Variants in SUMF1 observed in about 807,000 individuals in gnomAD.
SUMF1 encodes sulfatase modifying factor 1, also known as formylglycine-generating enzyme.
SUMF1 carries 48 observed loss-of-function variants against 47.6 expected under a neutral mutation model. The ratio of observed to expected loss-of-function variants is 1.01; its 90% confidence interval spans 0.80 to 1.28. SUMF1 has a LOEUF of 1.28. Ranked by LOEUF, SUMF1 falls within the 50% of genes most tolerant of loss-of-function variation. The probability of loss-of-function intolerance (pLI) is 0.00; values close to 1 mark genes in which losing one functional copy is unlikely to be tolerated. For missense variants in SUMF1, 571 were observed against 485.4 expected (o/e 1.18, Z -1.66); for synonymous variants, 230 against 192.1 (o/e 1.20, Z -1.63).
intron 8 of SUMF1, among the ~76,000 whole-genome samples, chr3:4,268,716 A>T (rs962403903): frequency 1.4e-4 from 21 of 152,154 alleles, no homozygotes; most frequent in African/African-American, 4.8e-4. Flanking sequence ...AGTAGCCAAT[A>T]AATGGCAAAG....
rs576707748 is a variant in SUMF1, at chr3:4,095,774, C to T, written c.1015-27029G>A. Among the ~76,000 whole-genome samples the T allele has an allele frequency of 5.3e-5, 8 of 152,218 alleles. No individual in the cohort carries two copies. The South Asian group carries it at 1.7e-3, about 32-fold the overall frequency. On this transcript the variant is annotated intron_variant and NMD_transcript_variant, in intron 8 of 12. Transcript: ENST00000448413. ...ATGAATATAAAGCTGGTCCCAGTGACCTCTAAGCCTGTAAAAATCAAACAC... is the reference window on the plus strand; with the variant it reads ...ATGAATATAAAGCTGGTCCCAGTGATCTCTAAGCCTGTAAAAATCAAACAC...
At chr3:4,342,960 G>T (rs546024728) in intron 8 of SUMF1, among the ~76,000 whole-genome samples, 1 of 152,170 alleles carries the variant, frequency 6.6e-6, no homozygotes, top group South Asian at 2.1e-4. Flanking sequence ...AAGCTCCCAA[G>T]GGATAAAAAA....
chr3:4,155,662 A>G (rs1694436346), intron 8 of SUMF1, among the ~76,000 whole-genome samples: 1 of 151,522 alleles, frequency 6.6e-6, no homozygotes, highest in Admixed American at 6.6e-5. Flanking sequence ...AGCCTTCACA[A>G]CAAATCTGTT....
At chr3:4,358,195 G>A (rs1020171453), downstream of SUMF1, among the ~76,000 whole-genome samples, 1 of 151,838 alleles carries the variant, frequency 6.6e-6, no homozygotes, top group Non-Finnish European at 1.5e-5. Flanking sequence ...TAAAAAAAAA[G>A]AGATACACCT....
At chr3:4,239,254 A>T (rs976817115) in intron 8 of SUMF1, among the ~76,000 whole-genome samples, 3 of 151,904 alleles carry the variant, frequency 2.0e-5, no homozygotes, top group Non-Finnish European at 4.4e-5. Flanking sequence ...TCTTGGCTAT[A>T]TGGGTTCTTT....
At position 4,261,822 on chromosome 3, in the gene SUMF1, G is replaced by A. The variant is rs149411987; in HGVS notation, c.1014+114508C>T. 9.2e-5 allele frequency among the ~76,000 whole-genome samples: 14 copies of A among 152,306 alleles called. No homozygotes were observed. The East Asian group carries it at 2.5e-3, about 27-fold the overall frequency. On this transcript the variant is annotated intron_variant and NMD_transcript_variant, in intron 8 of 12. Coordinates refer to the SUMF1 transcript ENST00000448413. ...CAAAGGCCCCACAACTAGTGCCTGC[G>A]CTGCTGGCACCTGAGTACTGATGTA...
Position 4,089,684 on chromosome 3 carries a change from C to A in SUMF1, c.1015-20939G>T, listed in dbSNP as rs1574872708. 2.0e-5 allele frequency among the ~76,000 whole-genome samples: 3 copies of A among 152,274 alleles called. No homozygotes were observed. In the South Asian group the frequency reaches 6.2e-4, roughly 32 times the overall value. On this transcript the variant is annotated intron_variant and NMD_transcript_variant, in intron 8 of 12. Transcript: ENST00000448413. Reference sequence around the variant, plus strand: ...TACCAGAGATCCTAAAGGCCTCAAACCTATGCAATTCCTAACTCATTCTTT... The same window carrying A: ...TACCAGAGATCCTAAAGGCCTCAAAACTATGCAATTCCTAACTCATTCTTT...
At chr3:4,316,324 C>T (rs1301669182) in intron 8 of SUMF1, 2 of 1,316,424 alleles carry the variant, frequency 1.5e-6, no homozygotes, top group Admixed American at 2.0e-5. Flanking sequence ...GCATTTGGCC[C>T]AGGAACTGCT....
chr3:4,105,693 A>G (rs888227796), intron 8 of SUMF1, among the ~76,000 whole-genome samples: 1 of 152,052 alleles, frequency 6.6e-6, no homozygotes, highest in African/African-American at 2.4e-5. Flanking sequence ...GGGAACTAAA[A>G]TTTTTTTGTT....
intron 8 of SUMF1, among the ~76,000 whole-genome samples, chr3:4,171,817 T>C (rs915979311): frequency 2.0e-5 from 3 of 152,078 alleles, no homozygotes; most frequent in Non-Finnish European, 2.9e-5. Context: ...ACAAGCTAAG[T>C]TCAGGAAAAA....
At chr3:4,304,344 G>A (rs1316379142) in intron 8 of SUMF1, among the ~76,000 whole-genome samples, 3 of 152,188 alleles carry the variant, frequency 2.0e-5, no homozygotes, top group Non-Finnish European at 4.4e-5. Context: ...GTTTCTCCAT[G>A]TTGGTCAGGC....
chr3:4,133,722 G>A (rs1693847557), intron 8 of SUMF1, among the ~76,000 whole-genome samples: 1 of 152,010 alleles, frequency 6.6e-6, no homozygotes, highest in Non-Finnish European at 1.5e-5. Context: ...AACTCAGACT[G>A]GCTCTCCTTG....
intron 7 of SUMF1, among the ~76,000 whole-genome samples, chr3:4,409,681 C>A (rs149196378): frequency 3.0e-4 from 45 of 152,328 alleles, no homozygotes; most frequent in African/African-American, 9.1e-4. Context: ...CAACCTTATT[C>A]TCATTTTGAC....
chr3:4,045,993 T>C (rs559556396), intron 9 of SUMF1, among the ~76,000 whole-genome samples: 23 of 152,254 alleles, frequency 1.5e-4, no homozygotes, highest in Non-Finnish European at 2.8e-4. Flanking sequence ...TGAGGCTCTA[T>C]TGAGCTATGA....
chr3:4,235,983 T>C (rs1013129114), intron 8 of SUMF1, among the ~76,000 whole-genome samples: 2 of 152,022 alleles, frequency 1.3e-5, no homozygotes, highest in African/African-American at 4.8e-5. Flanking sequence ...GGCTCTGTCA[T>C]ACAGGTTGGA....
At chr3:4,439,747 A>G (rs1702518691) in intron 3 of SUMF1, among the ~76,000 whole-genome samples, 1 of 151,540 alleles carries the variant, frequency 6.6e-6, no homozygotes, top group African/African-American at 2.4e-5. Flanking sequence ...TTTTAATATT[A>G]GAGATGAGCT....
intron 3 of SUMF1, among the ~76,000 whole-genome samples, chr3:4,432,897 T>C (rs1281029652): frequency 6.6e-6 from 1 of 152,196 alleles, no homozygotes; most frequent in Admixed American, 6.5e-5. Context: ...CCTCTGTTCC[T>C]TAGGTTTGCA....
At chr3:4,431,503 C>G (rs1702231193) in intron 3 of SUMF1, among the ~76,000 whole-genome samples, 1 of 152,216 alleles carries the variant, frequency 6.6e-6, no homozygotes, top group Non-Finnish European at 1.5e-5. Context: ...GGGACCACCC[C>G]CATGTCCCCT....
intron 8 of SUMF1, among the ~76,000 whole-genome samples, chr3:4,353,414 G>C (rs1018853635): frequency 6.6e-6 from 1 of 152,176 alleles, no homozygotes; most frequent in East Asian, 1.9e-4. Context: ...CACCACGCCC[G>C]GCTAATTTTT....
Sources: gnomAD v4.1 joint callset for allele counts (sites outside exome capture counted in the v4.1 genomes callset) on GRCh38, gnomAD v4.1.1 for gene constraint, MANE v1.5 for transcripts, NCBI Gene and HGNC (gene_info 2026-07-23, HGNC 2026-07-21) for gene names.